C11orf65: variants seen among roughly 807,000 people sequenced by gnomAD.
C11orf65 encodes chromosome 11 open reading frame 65.
Under a neutral mutation model 35.3 loss-of-function variants are expected in C11orf65, and 38 were observed. The observed-to-expected ratio is 1.08, with a 90% CI of 0.83 to 1.41. The LOEUF (loss-of-function observed/expected upper bound fraction) is 1.41. C11orf65 is among the 40% of genes most tolerant of loss of function. The pLI is 0.00. For missense variants in C11orf65, 370 were observed against 367.1 expected (o/e 1.01, Z -0.06); for synonymous variants, 105 against 114.4 (o/e 0.92, Z 0.53).
chr11:108,453,268 G>C (rs961843501), intron 2 of C11orf65, among the ~76,000 whole-genome samples: 1 of 148,268 alleles, frequency 6.7e-6, no homozygotes, highest in African/African-American at 2.5e-5. Context: ...AAAGTTAATA[G>C]AGAAGAAAAT....
At chr11:108,315,968 TGTGTGTAAAA>T in intron 6 of C11orf65, 1 of 1,608,604 alleles carries the variant, frequency 6.2e-7, no homozygotes, top group Non-Finnish European at 8.5e-7. Context: ...AGGAGTTATG[TGTGTGTAAAA>T]CCCAAAGCTA....
chr11:108,406,694 T>C, intron 5 of C11orf65, 69 bp downstream of exon 5: 1 of 1,024,408 alleles, frequency 9.8e-7, no homozygotes. Flanking sequence ...AATTTTAAAA[T>C]TAATTTTTGA....
intron 6 of C11orf65, among the ~76,000 whole-genome samples, chr11:108,324,474 C>T (rs986574133): frequency 2.0e-5 from 3 of 152,058 alleles, no homozygotes; most frequent in Non-Finnish European, 4.4e-5. Context: ...TATGGTCCAA[C>T]GATCGAAAGT....
At chr11:108,337,879 G>A (rs2087027679) in intron 2 of C11orf65, among the ~76,000 whole-genome samples, 1 of 152,254 alleles carries the variant, frequency 6.6e-6, no homozygotes, top group Non-Finnish European at 1.5e-5. Flanking sequence ...AAGTAGCTAA[G>A]ATTTCCAAGC....
chr11:108,444,874 T>C lies in C11orf65; in HGVS notation c.82-13036A>G, dbSNP rs529099059. Among the ~76,000 whole-genome samples, 11 of 152,262 alleles carry C rather than the reference T, an allele frequency of 7.2e-5. No individual in the cohort carries two copies. The South Asian group carries it at 2.1e-3, about 29-fold the overall frequency. On this transcript the variant is annotated intron_variant, in intron 2 of 8. Coordinates refer to ENST00000393084, the MANE Select transcript of C11orf65 (RefSeq NM_152587.5). ...CCTAGTCAAAGAAAGGGGTGACAGA[T>C]GGCACCTGGAAAATCCAGTCACTTC... is the stretch of plus-strand genomic sequence containing the variant.
intron 2 of C11orf65, among the ~76,000 whole-genome samples, chr11:108,455,276 T>C (rs941668184): frequency 3.2e-4 from 48 of 152,266 alleles, no homozygotes; most frequent in African/African-American, 1.1e-3. Flanking sequence ...AAATAAGACA[T>C]ACAAATTGAA....
chr11:108,407,209 A>G, intron 3 of C11orf65, 60 bp from the exon 4 acceptor site: 2 of 1,154,178 alleles, frequency 1.7e-6, no homozygotes, highest in Non-Finnish European at 1.2e-6. Context: ...GTATCAATTC[A>G]CTATTTCTCA....
intron 2 of C11orf65, among the ~76,000 whole-genome samples, chr11:108,373,697 G>A (rs540238177): frequency 2.4e-4 from 37 of 152,320 alleles, no homozygotes; most frequent in African/African-American, 2.9e-4. Flanking sequence ...GCAGCGCACC[G>A]TGCGCCAGCC....
At chr11:108,349,401 A>T (rs926493410) in intron 2 of C11orf65, among the ~76,000 whole-genome samples, 1 of 152,226 alleles carries the variant, frequency 6.6e-6, no homozygotes, top group African/African-American at 2.4e-5. Flanking sequence ...GCGGTGGATC[A>T]CACCTGTAAT....
intron 6 of C11orf65, chr11:108,320,185 A>G: frequency 1.4e-6 from 1 of 727,768 alleles, no homozygotes; most frequent in East Asian, 2.7e-5. Context: ...GGTGGCTGTG[A>G]TCAGATGTTT....
intron 6 of C11orf65, among the ~76,000 whole-genome samples, chr11:108,399,944 CTG>C (rs1471239303): frequency 1.3e-5 from 2 of 152,192 alleles, no homozygotes; most frequent in African/African-American, 2.4e-5. Context: ...GAGGTCTGTG[CTG>C]TGATTCTCCC....
rs757524704 is a variant in C11orf65 at position 108,365,039 on chromosome 11, A to T, written c.226+28169T>A. ...TCTACTGTTTCTAAGTATGTGATTA[A>T]AATGTACATTGTTCTTTTAATACAT... On this transcript the variant is annotated intron_variant, in intron 2 of 3. Coordinates refer to the C11orf65 transcript ENST00000524755. The T allele has an allele frequency of 6.2e-6, 10 of 1,605,798 alleles. No homozygotes were observed. In the South Asian group the frequency reaches 1.1e-4, roughly 18 times the overall value.
chr11:108,415,306 C>G (rs553422934), intron 3 of C11orf65, among the ~76,000 whole-genome samples: 20 of 152,106 alleles, frequency 1.3e-4, no homozygotes, highest in Non-Finnish European at 2.6e-4. Flanking sequence ...TTATTATATA[C>G]CAGCAATAAG....
chr11:108,333,153 T>C (rs1243868521), intron 3 of C11orf65, among the ~76,000 whole-genome samples: 3 of 152,206 alleles, frequency 2.0e-5, no homozygotes, highest in Admixed American at 1.3e-4. Context: ...TACATACTTA[T>C]TACAGAGAAT....
chr11:108,444,990 C>G (rs964596748), intron 2 of C11orf65, among the ~76,000 whole-genome samples: 2 of 152,184 alleles, frequency 1.3e-5, no homozygotes, highest in Admixed American at 6.5e-5. Context: ...CCTACGCCCA[C>G]GGAGTCTTGC....
chr11:108,347,477 T>A, intron 2 of C11orf65: 1 of 899,976 alleles, frequency 1.1e-6, no homozygotes, highest in Non-Finnish European at 1.7e-6. Context: ...ATTGAAGCAG[T>A]AAATATTGGG....
intron 2 of C11orf65, among the ~76,000 whole-genome samples, chr11:108,361,344 A>C (rs1324496308): frequency 6.7e-6 from 1 of 149,876 alleles, no homozygotes; most frequent in African/African-American, 2.5e-5. Flanking sequence ...GGTAGGAAGA[A>C]TCAATATTGT....
chr11:108,357,001 G>A (rs1201594420), intron 2 of C11orf65, among the ~76,000 whole-genome samples: 2 of 152,222 alleles, frequency 1.3e-5, no homozygotes, highest in African/African-American at 2.4e-5. Context: ...CGATGCAGAA[G>A]ACAGGTGATT....
intron 3 of C11orf65, among the ~76,000 whole-genome samples, chr11:108,418,847 C>T (rs2092777288): frequency 6.6e-6 from 1 of 151,822 alleles, no homozygotes; most frequent in Non-Finnish European, 1.5e-5. Context: ...TTAGAAAGAT[C>T]ATAAAAAGTA....
Sources: allele counts gnomAD v4.1 joint callset (sites outside exome capture counted in the v4.1 genomes callset), GRCh38; gene constraint gnomAD v4.1.1; transcripts MANE v1.5; gene names NCBI Gene and HGNC (gene_info 2026-07-23, HGNC 2026-07-21).